Variants in PATJ observed in about 807,000 individuals in gnomAD.
The protein encoded by PATJ is PATJ crumbs cell polarity complex component, also known as inaD-like protein.
Under a neutral mutation model 224.9 loss-of-function variants are expected in PATJ, and 190 were observed. That is an observed-to-expected ratio of 0.84 (90% CI 0.75 to 0.95). PATJ has a LOEUF of 0.95. PATJ is among the 40% of genes least tolerant of loss of function. The pLI, the probability that PATJ is intolerant of heterozygous loss-of-function variation, is 0.00. For missense variants in PATJ, 2,121 were observed against 2,270.3 expected (o/e 0.93, Z 1.34); for synonymous variants, 769 against 820.3 (o/e 0.94, Z 1.07).
intron 20 of PATJ, among the ~76,000 whole-genome samples, chr1:61,871,459 A>ATATATATGTATATACACATATATGCG (rs1666485661): frequency 1.3e-4 from 7 of 55,976 alleles, no homozygotes; most frequent in Non-Finnish European, 1.9e-4. Flanking sequence ...ATATATGCGT[A>ATATATATGTATATACACATATATGCG]TATATATGTA....
intron 7 of PATJ, among the ~76,000 whole-genome samples, chr1:61,783,744 A>G (rs948379394): frequency 1.2e-5 from 1 of 84,916 alleles, no homozygotes; most frequent in Admixed American, 1.7e-4. Flanking sequence ...CAGAGTTGCT[A>G]CTTTTTTTTT....
chr1:61,886,918 C>T (rs946701704), intron 22 of PATJ, among the ~76,000 whole-genome samples: 3 of 148,664 alleles, frequency 2.0e-5, no homozygotes, highest in Admixed American at 6.8e-5. Context: ...AAGGTTGATG[C>T]AGCAATGAGC....
chr1:61,795,863 C>T (rs1463573869), intron 10 of PATJ, among the ~76,000 whole-genome samples: 2 of 152,256 alleles, frequency 1.3e-5, no homozygotes, highest in East Asian at 3.9e-4. Context: ...ACACTGTGTT[C>T]TTTAAACTCA....
intron 28 of PATJ, among the ~76,000 whole-genome samples, chr1:62,009,297 G>A (rs1408611999): frequency 1.3e-5 from 2 of 152,112 alleles, no homozygotes; most frequent in African/African-American, 4.8e-5. Flanking sequence ...CCACAATAAA[G>A]CAAGTATCAG....
intron 26 of PATJ, among the ~76,000 whole-genome samples, chr1:61,916,876 C>T (rs1673524634): frequency 6.6e-6 from 1 of 152,136 alleles, no homozygotes; most frequent in Non-Finnish European, 1.5e-5. Flanking sequence ...AAACTGTCCT[C>T]TTGTGCTGAG....
chr1:61,835,609 G>A (rs1014771820), intron 17 of PATJ, among the ~76,000 whole-genome samples: 3 of 152,030 alleles, frequency 2.0e-5, no homozygotes, highest in Non-Finnish European at 4.4e-5. Context: ...TCACCATTTT[G>A]GCCAGGCTAG....
Position 61,833,778 on chromosome 1 carries a change from AT to A in PATJ, c.2107del (p.Tyr703ThrfsTer5). ...AAAGGTTTGGGATTCAGCATTTTGGATTACCAGGTATAAGAACCTGTGTAGA... is the reference window on the plus strand; with the variant it reads ...AAAGGTTTGGGATTCAGCATTTTGGATACCAGGTATAAGAACCTGTGTAGA... ...DCKGLGFSILDYQDPLDPTRS... is the reference protein window; with the variant it reads ...DCKGLGFSILXYQDPLDPTRS... On this transcript the variant is annotated frameshift_variant, in exon 17 of 44. Coordinates refer to ENST00000642238, the MANE Select transcript of PATJ (RefSeq NM_001350145.3). LOFTEE classifies it high-confidence loss of function. The A allele has an allele frequency of 6.2e-7, 1 of 1,613,136 alleles. No homozygotes were observed. Among genetic ancestry groups the A allele is most frequent in the Non-Finnish European group, 8.5e-7 (1 of 1,179,464 alleles).
chr1:62,028,659 T>G (rs1172215653), intron 29 of PATJ, among the ~76,000 whole-genome samples: 1 of 152,034 alleles, frequency 6.6e-6, no homozygotes, highest in Non-Finnish European at 1.5e-5. Flanking sequence ...GGCACACACC[T>G]GTGGTCCCAG....
At chr1:61,849,079 T>C (rs1002665871) in intron 17 of PATJ, among the ~76,000 whole-genome samples, 3 of 152,256 alleles carry the variant, frequency 2.0e-5, no homozygotes, top group Non-Finnish European at 4.4e-5. Context: ...AGCCTAGTTC[T>C]GTAGTGACAT....
intron 14 of PATJ, among the ~76,000 whole-genome samples, chr1:61,814,545 T>C (rs568164448): frequency 0.011 from 1,470 of 138,648 alleles, 11 homozygotes; most frequent in Non-Finnish European, 0.015. Flanking sequence ...TGTGTGTGTG[T>C]GTGCGCGCGC....
At chr1:61,851,408 G>A (rs2148886557) in intron 17 of PATJ, among the ~76,000 whole-genome samples, 1 of 152,242 alleles carries the variant, frequency 6.6e-6, no homozygotes, top group South Asian at 2.1e-4. Flanking sequence ...AGTGGGTCAG[G>A]GAGGGCGTTC....
At chr1:61,953,120 A>G (rs1679959320) in intron 27 of PATJ, among the ~76,000 whole-genome samples, 1 of 152,212 alleles carries the variant, frequency 6.6e-6, no homozygotes, top group African/African-American at 2.4e-5. Context: ...CATTGGCCAT[A>G]TAATTTCATG....
intron 41 of PATJ, among the ~76,000 whole-genome samples, chr1:62,143,558 C>A (rs1405971209): frequency 6.8e-6 from 1 of 147,120 alleles, no homozygotes; most frequent in Non-Finnish European, 1.5e-5. Flanking sequence ...TCAAGCGATT[C>A]TCCTGCCTCA....
chr1:62,106,115 C>CACACACACAT (rs140461579), intron 33 of PATJ, among the ~76,000 whole-genome samples: 3,159 of 46,422 alleles, frequency 0.068, 394 homozygotes, highest in African/African-American at 0.074. Flanking sequence ...CACACACACA[C>CACACACACAT]ACACAAACAC....
intron 32 of PATJ, among the ~76,000 whole-genome samples, chr1:62,081,518 A>C (rs923835310): frequency 1.8e-4 from 27 of 152,306 alleles, no homozygotes; most frequent in African/African-American, 6.3e-4. Context: ...CTTCTCACTC[A>C]GGAGACTACG....
At chr1:61,853,715 G>A (rs1345162332) in intron 17 of PATJ, among the ~76,000 whole-genome samples, 1 of 152,180 alleles carries the variant, frequency 6.6e-6, no homozygotes, top group African/African-American at 2.4e-5. Context: ...TTACCACGTC[G>A]ATTGCCTGCT....
intron 33 of PATJ, among the ~76,000 whole-genome samples, chr1:62,104,803 C>G (rs147447733): frequency 6.6e-6 from 1 of 152,074 alleles, no homozygotes; most frequent in Non-Finnish European, 1.5e-5. Context: ...TTCCGAGTAG[C>G]TGGGATTACA....
chr1:61,996,962 G>A (rs957336927), intron 28 of PATJ, among the ~76,000 whole-genome samples: 5 of 151,788 alleles, frequency 3.3e-5, no homozygotes, highest in Admixed American at 1.3e-4. Context: ...GGCTAGTCTC[G>A]AACTCCTGAC....
At chr1:61,884,963 G>C (rs1389982177) in intron 22 of PATJ, among the ~76,000 whole-genome samples, 1 of 152,192 alleles carries the variant, frequency 6.6e-6, no homozygotes, top group African/African-American at 2.4e-5. Context: ...TTAGATATGT[G>C]GGTCTGGGAA....
Sources: gnomAD v4.1 joint callset for allele counts (sites outside exome capture counted in the v4.1 genomes callset) on GRCh38, gnomAD v4.1.1 for gene constraint, MANE v1.5 for transcripts, NCBI Gene and HGNC (gene_info 2026-07-23, HGNC 2026-07-21) for gene names.